Variants in TMEM132D observed in about 807,000 individuals in gnomAD.
TMEM132D encodes the protein mature OL transmembrane protein.
A neutral mutation model predicts 62.3 loss-of-function variants in TMEM132D; 21 were observed. The observed-to-expected ratio is 0.34, with a 90% CI of 0.24 to 0.49. The LOEUF (loss-of-function observed/expected upper bound fraction) is 0.49. Ranked by LOEUF, TMEM132D falls within the 20% of genes least tolerant of loss-of-function variation. The pLI is 0.99. For missense variants in TMEM132D, 1,346 were observed against 1,402.8 expected (o/e 0.96, Z 0.65); for synonymous variants, 621 against 575.6 (o/e 1.08, Z -1.13).
chr12:129,264,011 G>A lies in TMEM132D; in HGVS notation c.1300-54348C>T, dbSNP rs1816297041. On this transcript the variant is annotated intron_variant, in intron 4 of 8. Coordinates refer to ENST00000422113, the MANE Select transcript of TMEM132D (RefSeq NM_133448.3). ...GGCCAAGGTAAGGTCATCAGGCTCC[G>A]TACTCTGTCTCTTGACTGAGTGCTT... 2.6e-5 allele frequency among the ~76,000 whole-genome samples: 4 copies of A among 152,134 alleles called. No homozygotes were observed. In the South Asian group the frequency reaches 6.2e-4, roughly 24 times the overall value.
intron 4 of TMEM132D, among the ~76,000 whole-genome samples, chr12:129,218,910 C>T (rs1057032130): frequency 2.0e-5 from 3 of 152,128 alleles, no homozygotes; most frequent in East Asian, 1.9e-4. Context: ...TGCAGTGGTG[C>T]CCAGAGGAAC....
At chr12:129,761,770 C>G (rs1870387379) in intron 1 of TMEM132D, among the ~76,000 whole-genome samples, 1 of 152,134 alleles carries the variant, frequency 6.6e-6, no homozygotes, top group Non-Finnish European at 1.5e-5. Context: ...CTTCCAACTT[C>G]TGTTGGAAGC....
intron 2 of TMEM132D, among the ~76,000 whole-genome samples, chr12:129,657,859 C>A (rs1457969665): frequency 1.3e-5 from 2 of 152,224 alleles, no homozygotes; most frequent in East Asian, 3.8e-4. Context: ...GAAAAGGAGG[C>A]TGGTACCTGC....
chr12:129,194,546 A>T (rs114007926), intron 5 of TMEM132D, among the ~76,000 whole-genome samples: 2,721 of 152,318 alleles, frequency 0.018, 75 homozygotes, highest in African/African-American at 0.061. Flanking sequence ...AATCTGTACA[A>T]CAAATCTTCA....
chr12:129,138,567 A>G (rs574455443), intron 5 of TMEM132D, among the ~76,000 whole-genome samples: 47 of 152,234 alleles, frequency 3.1e-4, no homozygotes, highest in Admixed American at 1.8e-3. Flanking sequence ...CTAAAAATAC[A>G]AAAATTAGCC....
intron 1 of TMEM132D, among the ~76,000 whole-genome samples, chr12:129,718,222 G>T (rs530655496): frequency 6.6e-6 from 1 of 152,292 alleles, no homozygotes; most frequent in South Asian, 2.1e-4. Context: ...CAATTGCAGT[G>T]GTCAGGGAGA....
In TMEM132D at chr12:129,700,155, A is replaced by C. The variant is rs2137226257; in HGVS notation, c.623T>G (p.Val208Gly). 1 of 1,612,980 alleles carries C rather than the reference A, an allele frequency of 6.2e-7. No individual in the cohort carries two copies. The highest frequency in any genetic ancestry group is 1.1e-5 in the South Asian group (1 of 91,046). Residue 208 changes from valine to glycine, a missense_variant, in exon 2 of 9, where the codon GTG becomes GGG. By Grantham distance (109) the Val-to-Gly change is moderately radical (BLOSUM62 -3). Transcript: ENST00000422113. ...LLSSWFSPPT[V>G]VAGRRKSVDQ... ...CACGGACTTCCTCCTCCCGGCAACC[A>C]CCGTGGGGGGGCTGAACCAGCTGGA...
At chr12:129,213,142 T>A (rs117786714) in intron 4 of TMEM132D, among the ~76,000 whole-genome samples, 142 of 152,296 alleles carry the variant, frequency 9.3e-4, no homozygotes, top group Non-Finnish European at 1.5e-3. Context: ...GGATGATGTA[T>A]TTCACGACAT....
chr12:129,746,881 CTCTT>C lies in TMEM132D; in HGVS notation c.80-46187_80-46184del, dbSNP rs548723990. Reference sequence around the variant, plus strand: ...TGCTCAGCGACGGTCATTCTCTCTTCTCTTTGTCTCAGGCTCCTCGTCCAATTTA... The same window carrying C: ...TGCTCAGCGACGGTCATTCTCTCTTCTGTCTCAGGCTCCTCGTCCAATTTA... On this transcript the variant is annotated intron_variant, in intron 1 of 8. Transcript: ENST00000422113. 3.9e-5 allele frequency among the ~76,000 whole-genome samples: 6 copies of C among 152,240 alleles called. No homozygotes were observed. In the East Asian group the frequency reaches 1.2e-3, roughly 29 times the overall value.
chr12:129,373,111 G>T (rs1042602689), intron 3 of TMEM132D, among the ~76,000 whole-genome samples: 5 of 152,144 alleles, frequency 3.3e-5, no homozygotes, highest in Middle Eastern at 3.2e-3. Context: ...CAGGTGCCAA[G>T]CTCCTGTGCA....
chr12:129,848,026 T>C (rs263303), intron 1 of TMEM132D, among the ~76,000 whole-genome samples: 151,221 of 152,162 alleles, frequency 0.99, 75,148 homozygotes, highest in Middle Eastern at 1. Flanking sequence ...TAAAAGCACT[T>C]TATGTAAGTT....
chr12:129,654,773 G>T (rs1345455666), intron 2 of TMEM132D, among the ~76,000 whole-genome samples: 2 of 152,100 alleles, frequency 1.3e-5, no homozygotes, highest in African/African-American at 4.8e-5. Flanking sequence ...TCAAGAGCTA[G>T]TCAAAGACTT....
At chr12:129,696,317 C>T (rs773278689) in intron 2 of TMEM132D, among the ~76,000 whole-genome samples, 85 of 152,220 alleles carry the variant, frequency 5.6e-4, no homozygotes, top group Non-Finnish European at 1.0e-3. Flanking sequence ...AATCACAGTG[C>T]TAGGCATATG....
chr12:129,365,940 C>T (rs921821971), intron 3 of TMEM132D, among the ~76,000 whole-genome samples: 84 of 152,056 alleles, frequency 5.5e-4, no homozygotes, highest in Non-Finnish European at 7.6e-4. Context: ...CAGCACTGTC[C>T]ACCCGCCCCG....
intron 5 of TMEM132D, among the ~76,000 whole-genome samples, chr12:129,138,030 T>C (rs1876636515): frequency 1.3e-5 from 2 of 152,312 alleles, no homozygotes; most frequent in African/African-American, 4.8e-5. Flanking sequence ...ATTTTTCTTT[T>C]CTAAAATTTT....
At chr12:129,103,728 G>A (rs1875391772) in intron 5 of TMEM132D, among the ~76,000 whole-genome samples, 1 of 152,138 alleles carries the variant, frequency 6.6e-6, no homozygotes, top group Admixed American at 6.5e-5. Context: ...AAAATCACAA[G>A]CATTCCTATA....
At chr12:129,540,082 T>G (rs1302735865) in intron 2 of TMEM132D, among the ~76,000 whole-genome samples, 1 of 152,130 alleles carries the variant, frequency 6.6e-6, no homozygotes, top group East Asian at 1.9e-4. Flanking sequence ...TTTTTTTAAA[T>G]TGCCAGCACA....
At chr12:129,690,027 G>A (rs1301908539) in intron 2 of TMEM132D, among the ~76,000 whole-genome samples, 1 of 152,044 alleles carries the variant, frequency 6.6e-6, no homozygotes, top group Non-Finnish European at 1.5e-5. Flanking sequence ...AACATATACT[G>A]TTTGTTTAAG....
At chr12:129,110,022 A>G (rs958937981) in intron 5 of TMEM132D, 9 of 152,108 alleles carry the variant, frequency 5.9e-5, no homozygotes, top group African/African-American at 1.7e-4. Context: ...TCTATGGGCA[A>G]CCTCTGCGGC....
Sources: gnomAD v4.1 joint callset for allele counts (sites outside exome capture counted in the v4.1 genomes callset) on GRCh38, gnomAD v4.1.1 for gene constraint, MANE v1.5 for transcripts, NCBI Gene and HGNC (gene_info 2026-07-23, HGNC 2026-07-21) for gene names.